Variants in CHST11 observed in about 807,000 individuals in gnomAD.
The protein encoded by CHST11 is C4S-1.
Under a neutral mutation model 30.4 loss-of-function variants are expected in CHST11, and 9 were observed. The observed-to-expected ratio is 0.30, with a 90% CI of 0.18 to 0.52. The LOEUF (loss-of-function observed/expected upper bound fraction) is 0.52, where lower values mean the gene tolerates loss of function less well. Ranked by LOEUF, CHST11 falls within the 20% of genes least tolerant of loss-of-function variation. The pLI is 0.97. For synonymous variants in CHST11, 152 were observed against 187.8 expected (o/e 0.81, Z 1.56); for missense variants, 348 against 460.6 (o/e 0.76, Z 2.24).
intron 1 of CHST11, among the ~76,000 whole-genome samples, chr12:104,480,429 T>C (rs1280296289): frequency 6.6e-6 from 1 of 151,828 alleles, no homozygotes; most frequent in Non-Finnish European, 1.5e-5. Flanking sequence ...ATACAAAAAA[T>C]TAGCTGGGCA....
intron 2 of CHST11, among the ~76,000 whole-genome samples, chr12:104,732,499 T>G (rs1372913331): frequency 6.6e-6 from 1 of 152,236 alleles, no homozygotes; most frequent in Non-Finnish European, 1.5e-5. Flanking sequence ...ACATTAGAAA[T>G]AGACCTTCTT....
chr12:104,748,406 A>G (rs2040405103), intron 2 of CHST11, among the ~76,000 whole-genome samples: 1 of 152,124 alleles, frequency 6.6e-6, no homozygotes, highest in South Asian at 2.1e-4. Context: ...GGACTTCCAG[A>G]GGTGACTGTA....
At chr12:104,662,545 C>G (rs766501405) in intron 2 of CHST11, among the ~76,000 whole-genome samples, 6 of 152,160 alleles carry the variant, frequency 3.9e-5, no homozygotes, top group Non-Finnish European at 8.8e-5. Context: ...TAGGCCATTT[C>G]CTAACTCTTG....
chr12:104,646,229 A>C, intron 2 of CHST11, among the ~76,000 whole-genome samples: 1 of 149,912 alleles, frequency 6.7e-6, no homozygotes, highest in African/African-American at 2.5e-5. Context: ...CTTCCACCCC[A>C]CTTTCTCCTC....
intron 2 of CHST11, among the ~76,000 whole-genome samples, chr12:104,731,173 C>A (rs556043645): frequency 1.3e-5 from 2 of 152,178 alleles, no homozygotes; most frequent in East Asian, 1.9e-4. Context: ...GAACCCTCAT[C>A]GGAGGGCTAA....
intron 1 of CHST11, among the ~76,000 whole-genome samples, chr12:104,522,136 C>T (rs909894260): frequency 1.3e-5 from 2 of 152,184 alleles, no homozygotes; most frequent in South Asian, 2.1e-4. Context: ...ATACATTTAT[C>T]TCTGTATTCT....
At chr12:104,480,201 C>T (rs1416895471) in intron 1 of CHST11, among the ~76,000 whole-genome samples, 1 of 150,004 alleles carries the variant, frequency 6.7e-6, no homozygotes, top group Non-Finnish European at 1.5e-5. Context: ...AGTGTCCCCG[C>T]CCCCCCCTCC....
chr12:104,589,239 A>G (rs952120682), intron 1 of CHST11, among the ~76,000 whole-genome samples: 3 of 152,000 alleles, frequency 2.0e-5, no homozygotes, highest in Middle Eastern at 3.2e-3. Context: ...TCTCTATAAA[A>G]AAAATTCAAA....
At chr12:104,677,843 C>T (rs1311994307) in intron 2 of CHST11, among the ~76,000 whole-genome samples, 1 of 152,236 alleles carries the variant, frequency 6.6e-6, no homozygotes, top group Non-Finnish European at 1.5e-5. Flanking sequence ...TCATATCACC[C>T]TGTCCCTCAG....
intron 1 of CHST11, among the ~76,000 whole-genome samples, chr12:104,507,842 C>G (rs1468360557): frequency 1.3e-5 from 2 of 152,194 alleles, no homozygotes; most frequent in Non-Finnish European, 2.9e-5. Flanking sequence ...CACCCGCCCC[C>G]CACCATGTTT....
At position 104,739,110 on chromosome 12, in the gene CHST11, C is replaced by T. The variant is rs556666412; in HGVS notation, c.205-17839C>T. Among the ~76,000 whole-genome samples the T allele has an allele frequency of 4.6e-5, 7 of 152,338 alleles. No individual in the cohort carries two copies. The South Asian group carries it at 8.3e-4, about 18-fold the overall frequency. ...CTGTCAGTGGGAGGTTGGGAACCAA[C>T]GCCGGTGTGTGCCAGAGGAGCCCGG... On this transcript the variant is annotated intron_variant, in intron 2 of 2. Transcript: ENST00000303694.
intron 1 of CHST11, among the ~76,000 whole-genome samples, chr12:104,482,352 C>A (rs868430231): frequency 1.0e-3 from 97 of 95,382 alleles, no homozygotes; most frequent in South Asian, 4.4e-3. Flanking sequence ...GAGCCCCCCC[C>A]CGCAAAAATG....
intron 1 of CHST11, among the ~76,000 whole-genome samples, chr12:104,481,261 A>G (rs2037619433): frequency 1.3e-5 from 2 of 151,634 alleles, no homozygotes; most frequent in Non-Finnish European, 2.9e-5. Context: ...GACTTGCGCC[A>G]CTCTGCCTTC....
intron 2 of CHST11, among the ~76,000 whole-genome samples, chr12:104,633,607 T>G (rs999950922): frequency 5.3e-5 from 8 of 151,878 alleles, no homozygotes; most frequent in Non-Finnish European, 4.4e-5. Flanking sequence ...AGTAGAGACA[T>G]GGTTTCACCA....
chr12:104,679,403 A>G (rs924038168), intron 2 of CHST11, among the ~76,000 whole-genome samples: 2 of 152,076 alleles, frequency 1.3e-5, no homozygotes, highest in Non-Finnish European at 2.9e-5. Context: ...CCTGGAACCA[A>G]TTCAGGCCCC....
In CHST11 at chr12:104,457,529, G is replaced by A. The variant is rs2135945351; in HGVS notation, c.118G>A (p.Val40Ile). Residue 40 changes from valine (V) to isoleucine (I), a missense_variant and splice_region_variant, in exon 1 of 3, where the codon GTC becomes ATC. By Grantham distance (29) the Val-to-Ile change is conservative. Coordinates refer to ENST00000303694, the MANE Select transcript of CHST11 (RefSeq NM_018413.6). ...CTATTTCCAAAGTATGTTGCACCCA[G>A]GTAGGGGGCGCGTTAGCGTGGTTTT... is the stretch of plus-strand genomic sequence containing the variant. ...IFYFQSMLHP[V>I]MRRNPFGVDI... The A allele has an allele frequency of 6.3e-7, 1 of 1,597,196 alleles. No homozygotes were observed. Among genetic ancestry groups the A allele is most frequent in the East Asian group, 2.2e-5 (1 of 44,792 alleles).
intron 2 of CHST11, among the ~76,000 whole-genome samples, chr12:104,748,012 T>A (rs139410001): frequency 1.1e-3 from 173 of 152,364 alleles, no homozygotes; most frequent in African/African-American, 3.8e-3. Context: ...CTTTTATAAA[T>A]GTCCAAATTA....
At chr12:104,544,999 G>C (rs944682425) in intron 1 of CHST11, among the ~76,000 whole-genome samples, 8 of 152,072 alleles carry the variant, frequency 5.3e-5, no homozygotes, top group East Asian at 1.9e-4. Context: ...TGAGAAGAGG[G>C]AGGCATGCAG....
At chr12:104,516,004 C>T (rs143401334) in intron 1 of CHST11, among the ~76,000 whole-genome samples, 1 of 152,282 alleles carries the variant, frequency 6.6e-6, no homozygotes, top group Non-Finnish European at 1.5e-5. Context: ...ATTTTATCTT[C>T]AGAACAATAG....
Sources: gnomAD v4.1 joint callset for allele counts (sites outside exome capture counted in the v4.1 genomes callset) on GRCh38, gnomAD v4.1.1 for gene constraint, MANE v1.5 for transcripts, NCBI Gene and HGNC (gene_info 2026-07-23, HGNC 2026-07-21) for gene names.